OPN4: variants seen among roughly 807,000 people sequenced by gnomAD.
The protein encoded by OPN4 is opsin 4.
In OPN4, 43 loss-of-function variants were observed where a neutral mutation model predicts 49.5. The observed-to-expected ratio is 0.87, with a 90% confidence interval of 0.68 to 1.12. The LOEUF (loss-of-function observed/expected upper bound fraction) is 1.12, where lower values mean the gene tolerates loss of function less well. Ranked by LOEUF, OPN4 falls within the 50% of genes most tolerant of loss-of-function variation. The pLI, the probability that OPN4 is intolerant of heterozygous loss-of-function variation, is 0.00. For synonymous variants in OPN4, 263 were observed against 258.0 expected (o/e 1.02, Z -0.19); for missense variants, 657 against 643.9 (o/e 1.02, Z -0.22).
Position 86,661,397 on chromosome 10 carries a change from C to T in OPN4, c.1073+9C>T. ...ACCCACCCCAAGTACAGGTGTGGCT[C>T]TTTTCCAGAACCCCACACCTTGGCC... On this transcript the variant is annotated intron_variant, in intron 7 of 9. Transcript: ENST00000241891. 1 of 1,605,642 alleles carries T rather than the reference C, an allele frequency of 6.2e-7. No individual in the cohort carries two copies. The highest frequency in any genetic ancestry group is 8.5e-7 in the Non-Finnish European group (1 of 1,172,682).
At position 86,654,644 on chromosome 10, in the gene OPN4, A is replaced by G; in HGVS notation, c.-140A>G. On this transcript the variant is annotated 5_prime_UTR_variant, in exon 1 of 10. Transcript: ENST00000241891. ...CAGCTCCAGGCTGGATCTGCGCCGG[A>G]CACAGGAGAAAGCAGCGGGTAGGCT... 2 of 1,243,790 alleles carry G rather than the reference A, an allele frequency of 1.6e-6. No homozygotes were observed. Among genetic ancestry groups the G allele is most frequent in the Non-Finnish European group, 2.2e-6 (2 of 894,520 alleles). The allele number at this position is 1,243,790 out of a possible 1,614,324, so 77.0% of individuals were successfully genotyped here. A position where few individuals can be genotyped will look rare whatever the true frequency, so the allele number is the denominator to read the frequency against.
rs760531713 is a variant in OPN4, at chr10:86,659,293, C to T, written c.629-4C>T. Reference sequence around the variant, plus strand: ...AAAGGCTGAGCACCTGCCCTGGCTCCCAGGCGCCTACGTGCCCGAGGGGTT... The same window carrying T: ...AAAGGCTGAGCACCTGCCCTGGCTCTCAGGCGCCTACGTGCCCGAGGGGTT... On this transcript the variant is annotated splice_polypyrimidine_tract_variant and splice_region_variant and intron_variant, in intron 4 of 9. Transcript: ENST00000241891. 2 of 1,609,740 alleles carry T rather than the reference C, an allele frequency of 1.2e-6. No individual in the cohort carries two copies. Among genetic ancestry groups the T allele is most frequent in the East Asian group, 2.2e-5 (1 of 44,872 alleles).
chr10:86,660,169 C>T (rs112884496), intron 6 of OPN4, 110 bp downstream of exon 6: 330 of 1,214,388 alleles, frequency 2.7e-4, no homozygotes, highest in Middle Eastern at 4.8e-4. Context: ...ATCCTCGCAC[C>T]CTAGGACCAG....
At chr10:86,659,607 G>T in intron 5 of OPN4, 139 bp downstream of exon 5, 3 of 1,239,236 alleles carry the variant, frequency 2.4e-6, no homozygotes, top group Admixed American at 2.6e-5. Context: ...AGTGCTTATG[G>T]GGCAGCAGTG....
At chr10:86,658,712 G>T (rs767262831) in intron 4 of OPN4, 25 bp downstream of exon 4, 3 of 1,607,026 alleles carry the variant, frequency 1.9e-6, no homozygotes, top group Admixed American at 3.3e-5. Flanking sequence ...GGAACTGGAA[G>T]GGGGGCAGAT....
intron 9 of OPN4, among the ~76,000 whole-genome samples, chr10:86,665,459 G>A (rs970186950): frequency 2.0e-5 from 3 of 152,042 alleles, no homozygotes; most frequent in Admixed American, 6.5e-5. Context: ...GGGTGAGGAT[G>A]GGTTCAGTTG....
chr10:86,657,314 T>A (rs1843892391), intron 2 of OPN4: 2 of 749,160 alleles, frequency 2.7e-6, no homozygotes, highest in Middle Eastern at 2.3e-4. Flanking sequence ...AGTGGGAGCA[T>A]CTTGTCTGGA....
At position 86,656,144 on chromosome 10, in the gene OPN4, T is replaced by A. The variant is rs1232690781; in HGVS notation, c.145-11T>A. 6.2e-7 allele frequency: 1 copy of A among 1,614,170 alleles called. No homozygotes were observed. The highest frequency in any genetic ancestry group is 8.5e-7 in the Non-Finnish European group (1 of 1,180,012). On this transcript the variant is annotated splice_polypyrimidine_tract_variant and intron_variant, in intron 1 of 9. Transcript: ENST00000241891. Reference sequence around the variant, plus strand: ...ATAACATGATTCCCTCGTTTCTCTGTCTCTCCGCAGGCACCTGGGACTTGG... The same window carrying A: ...ATAACATGATTCCCTCGTTTCTCTGACTCTCCGCAGGCACCTGGGACTTGG...
At position 86,654,772 on chromosome 10, in the gene OPN4, T is replaced by C; in HGVS notation, c.-12T>C. The C allele has an allele frequency of 6.2e-7, 1 of 1,608,258 alleles. No homozygotes were observed. The highest frequency in any genetic ancestry group is 1.1e-5 in the South Asian group (1 of 90,834). ...TCTCTGTGGGCTCGAGCAAGGACCA[T>C]CCCAACTCAGGATGAACCCTCCTTC... is the stretch of plus-strand genomic sequence containing the variant. On this transcript the variant is annotated 5_prime_UTR_variant, in exon 1 of 10. Coordinates refer to ENST00000241891, the MANE Select transcript of OPN4 (RefSeq NM_033282.4).
chr10:86,654,809 T>TC lies in OPN4; in HGVS notation c.29dup (p.Pro11AlafsTer54). The stretch of plus-strand genomic sequence containing the variant: ...ATGAACCCTCCTTCGGGGCCAAGAG[T>TC]CCCGCCCAGCCCAACCCAAGAGCCC... On this transcript the variant is annotated frameshift_variant, in exon 1 of 10. Transcript: ENST00000241891. LOFTEE classifies it high-confidence loss of function. 4 of 1,554,798 alleles carry TC rather than the reference T, an allele frequency of 2.6e-6. No individual in the cohort carries two copies. The highest frequency in any genetic ancestry group is 3.5e-6 in the Non-Finnish European group (4 of 1,128,746).
Position 86,663,647 on chromosome 10 carries a change from C to T in OPN4, c.1255-12C>T. The T allele has an allele frequency of 6.7e-7, 1 of 1,487,068 alleles. No individual in the cohort carries two copies. The highest frequency in any genetic ancestry group is 9.0e-7 in the Non-Finnish European group (1 of 1,115,064). The allele number at this position is 1,487,068 out of a possible 1,614,324, so 92.1% of individuals were successfully genotyped here. On this transcript the variant is annotated splice_polypyrimidine_tract_variant and intron_variant, in intron 8 of 9. Transcript: ENST00000241891. Reference sequence around the variant, plus strand: ...CCCTCTCACCTCACAGTCACTCTCTCACCTCCCTCAGGGCTGGACACACAT... The same window carrying T: ...CCCTCTCACCTCACAGTCACTCTCTTACCTCCCTCAGGGCTGGACACACAT...
Position 86,657,223 on chromosome 10 carries a change from A to T in OPN4, c.291-809A>T, listed in dbSNP as rs767805953. On this transcript the variant is annotated intron_variant, in intron 2 of 9. Coordinates refer to ENST00000241891, the MANE Select transcript of OPN4 (RefSeq NM_033282.4). ...TGTGCTTCGTGGAGTCACTGTGATG[A>T]TGCAGTAAGTTCACGGATGTGCGTT... 4 of 780,644 alleles carry T rather than the reference A, an allele frequency of 5.1e-6. No homozygotes were observed. The African/African-American group carries it at 6.8e-5, about 13-fold the overall frequency. The allele number at this position is 780,644 out of a possible 1,614,324, so 48.4% of individuals were successfully genotyped here.
chr10:86,662,731 C>G (rs967733066), intron 8 of OPN4, among the ~76,000 whole-genome samples: 9 of 152,224 alleles, frequency 5.9e-5, no homozygotes, highest in African/African-American at 2.2e-4. Context: ...GACACTCTCC[C>G]TAGAGCCGCA....
Position 86,666,022 on chromosome 10 carries a change from G to C in OPN4, c.*271G>C, listed in dbSNP as rs962025912. ...ATGTGCCCAGGCCCTCCCACTTCCC[G>C]AGTTGTCTGCCTCTCCTCAAATGCT... On this transcript the variant is annotated 3_prime_UTR_variant, in exon 10 of 10. Transcript: ENST00000241891. The C allele has an allele frequency of 1.1e-4, 57 of 510,744 alleles. 1 individual carries two copies. The highest frequency in any genetic ancestry group is 7.3e-4 in the South Asian group (28 of 38,298). The allele number at this position is 510,744 out of a possible 1,614,324, so 31.6% of individuals were successfully genotyped here. A position where few individuals can be genotyped will look rare whatever the true frequency, so the allele number is the denominator to read the frequency against.
chr10:86,654,661 G>C lies in OPN4; in HGVS notation c.-123G>C. Reference sequence around the variant, plus strand: ...TGCGCCGGACACAGGAGAAAGCAGCGGGTAGGCTAAGCAGGGGTGCTGAGG... The same window carrying C: ...TGCGCCGGACACAGGAGAAAGCAGCCGGTAGGCTAAGCAGGGGTGCTGAGG... On this transcript the variant is annotated 5_prime_UTR_variant, in exon 1 of 10. Coordinates refer to ENST00000241891, the MANE Select transcript of OPN4 (RefSeq NM_033282.4). 4 of 1,362,900 alleles carry C rather than the reference G, an allele frequency of 2.9e-6. No homozygotes were observed. Among genetic ancestry groups the C allele is most frequent in the Non-Finnish European group, 4.0e-6 (4 of 994,984 alleles). 84.4% of individuals were successfully genotyped at this position (1,362,900 alleles called of 1,614,324 possible). A position where few individuals can be genotyped will look rare whatever the true frequency, so the allele number is the denominator to read the frequency against.
chr10:86,666,444 A>T lies in OPN4; in HGVS notation c.*693A>T, dbSNP rs1844181118. 1.3e-5 allele frequency: 3 copies of T among 233,500 alleles called. No individual in the cohort carries two copies. The highest frequency in any genetic ancestry group is 1.3e-4 in the South Asian group (2 of 15,874). The allele number at this position is 233,500 out of a possible 1,614,324, so 14.5% of individuals were successfully genotyped here. A position where few individuals can be genotyped will look rare whatever the true frequency, so the allele number is the denominator to read the frequency against. On this transcript the variant is annotated 3_prime_UTR_variant, in exon 10 of 10. Coordinates refer to ENST00000241891, the MANE Select transcript of OPN4 (RefSeq NM_033282.4). ...GGTATAGGAAAATAAAAAGCGGAGA[A>T]GGTGTCTTCAGACAAATATGGTCTC...
At chr10:86,662,701 A>G (rs1442061846) in intron 8 of OPN4, among the ~76,000 whole-genome samples, 2 of 152,232 alleles carry the variant, frequency 1.3e-5, no homozygotes, top group Non-Finnish European at 2.9e-5. Flanking sequence ...TTCCAACTCC[A>G]GGCCATCCTT....
rs1434660183 is a variant in OPN4, at chr10:86,663,765, C to T, written c.1361C>T (p.Pro454Leu). 6 of 1,561,020 alleles carry T rather than the reference C, an allele frequency of 3.8e-6. No homozygotes were observed. Among genetic ancestry groups the T allele is most frequent in the Admixed American group, 3.8e-5 (2 of 52,304 alleles). Residue 454 changes from proline (P) to leucine (L), a missense_variant, in exon 9 of 10, where the codon CCC becomes CTC. Physicochemically the swap from Pro to Leu is moderately conservative, Grantham distance 98 (BLOSUM62 -3). Transcript: ENST00000241891. ...GAGGACTTGGAAGCCAAGGCACCCC[C>T]CAGACCCCAGGGACACGAAGCAGAG... ...GLEDLEAKAP[P>L]RPQGHEAETP...
Position 86,658,619 on chromosome 10 carries a change from C to T in OPN4, c.560C>T (p.Ala187Val), listed in dbSNP as rs200719705. The T allele has an allele frequency of 1.4e-4, 226 of 1,614,000 alleles. No homozygotes were observed. The highest frequency in any genetic ancestry group is 1.8e-4 in the Non-Finnish European group (207 of 1,180,062). Reference protein sequence around the residue: ...ATFGVASKRRAAFVLLGVWLY... With the variant: ...ATFGVASKRRVAFVLLGVWLY... ...TTTGGTGTGGCGTCCAAGAGGCGTG[C>T]GGCATTTGTCCTGCTGGGCGTTTGG... Residue 187 changes from alanine (A) to valine (V), a missense_variant, in exon 4 of 10, where the codon GCG becomes GTG. Physicochemically the swap from Ala to Val is moderately conservative, Grantham distance 64. Coordinates refer to ENST00000241891, the MANE Select transcript of OPN4 (RefSeq NM_033282.4).
Sources: gnomAD v4.1 joint callset for allele counts (sites outside exome capture counted in the v4.1 genomes callset) on GRCh38, gnomAD v4.1.1 for gene constraint, MANE v1.5 for transcripts, NCBI Gene and HGNC (gene_info 2026-07-23, HGNC 2026-07-21) for gene names.